DHX8: variants seen among roughly 807,000 people sequenced by gnomAD.
DHX8 encodes the protein DEAH-box helicase 8.
In DHX8, 67 loss-of-function variants were observed where a neutral mutation model predicts 140.7. The observed-to-expected ratio is 0.48, with a 90% CI of 0.39 to 0.58. DHX8 has a LOEUF of 0.58. DHX8 is among the 20% of genes least tolerant of loss of function. DHX8 has a pLI of 0.00. For synonymous variants in DHX8, 533 were observed against 553.2 expected (o/e 0.96, Z 0.51); for missense variants, 887 against 1,550.7 (o/e 0.57, Z 7.19).
At position 43,484,046 on chromosome 17, in the gene DHX8, G is replaced by T. The variant is rs1400305643; in HGVS notation, c.9G>T (p.Val3=). 6.2e-7 allele frequency: 1 copy of T among 1,613,914 alleles called. No homozygotes were observed. The highest frequency in any genetic ancestry group is 1.3e-5 in the African/African-American group (1 of 74,930). Residue 3 remains valine (V), a synonymous_variant, in exon 1 of 23, where the codon GTG becomes GTT. Coordinates refer to ENST00000262415, the MANE Select transcript of DHX8 (RefSeq NM_004941.3). ...CTGGGCAAGCTATAGCCATGGCTGT[G>T]GCTGTAGCCATGGCGGGAGCCTTAA... The part of the protein sequence containing the change: MA[V]AVAMAGALIG...
At chr17:43,494,046 T>A (rs984417530) in intron 8 of DHX8, among the ~76,000 whole-genome samples, 160 bp downstream of exon 8, 20 of 152,164 alleles carry the variant, frequency 1.3e-4, no homozygotes, top group African/African-American at 4.6e-4. Context: ...GGCAATTTAC[T>A]AAAGAAAGAG....
At chr17:43,489,571 A>T in intron 2 of DHX8, 37 bp downstream of exon 2, 1 of 1,357,870 alleles carries the variant, frequency 7.4e-7, no homozygotes, top group Non-Finnish European at 1.0e-6. Flanking sequence ...GTAGATATTA[A>T]TGTTTTAATT....
At chr17:43,517,091 T>C (rs1001639053) in intron 17 of DHX8, 76 bp from the exon 18 acceptor site, 2 of 1,459,290 alleles carry the variant, frequency 1.4e-6, no homozygotes, top group East Asian at 2.5e-5. Context: ...ATTGTCCCCC[T>C]TTTAACAGAT....
At chr17:43,530,273 T>G, downstream of DHX8, 1 of 1,531,348 alleles carries the variant, frequency 6.5e-7, no homozygotes, top group South Asian at 1.2e-5. Flanking sequence ...CAAGAATTTC[T>G]TCCTTCCAGC....
downstream of DHX8, chr17:43,528,565 G>C: frequency 6.2e-7 from 1 of 1,613,658 alleles, no homozygotes. Flanking sequence ...GGCGGGGCCA[G>C]CCAGCTCTGG....
intron 4 of DHX8, among the ~76,000 whole-genome samples, chr17:43,491,527 AT>A (rs4038474): frequency 2.9e-4 from 43 of 147,674 alleles, no homozygotes; most frequent in Admixed American, 6.1e-4. Context: ...GTGAAATTAG[AT>A]TTTTTTTTTT....
intron 12 of DHX8, among the ~76,000 whole-genome samples, chr17:43,506,017 A>ATGTG (rs928209300): frequency 1.3e-5 from 2 of 151,020 alleles, no homozygotes; most frequent in Non-Finnish European, 1.5e-5. Context: ...GTGTGTGTGT[A>ATGTG]TGTGTGTGTG....
chr17:43,516,409 G>A (rs186453010), intron 17 of DHX8, among the ~76,000 whole-genome samples: 38 of 152,134 alleles, frequency 2.5e-4, no homozygotes, highest in Admixed American at 2.4e-3. Flanking sequence ...ATTTTCTTCT[G>A]TCATTTAACA....
chr17:43,485,652 T>C (rs1968096634), intron 1 of DHX8, among the ~76,000 whole-genome samples: 1 of 152,114 alleles, frequency 6.6e-6, no homozygotes, highest in Non-Finnish European at 1.5e-5. Flanking sequence ...TTCAGGGAGC[T>C]TACCTTTCTC....
rs1192716282 is a variant in DHX8 at position 43,493,895 on chromosome 17, C to A, written c.1212+9C>A. 8 of 1,613,934 alleles carry A rather than the reference C, an allele frequency of 5.0e-6. No homozygotes were observed. The highest frequency in any genetic ancestry group is 6.8e-6 in the Non-Finnish European group (8 of 1,179,986). The stretch of plus-strand genomic sequence containing the variant: ...AGTGGGAGATCAAACAGGTTGGGGC[C>A]TTTAGTTTTCATGACCAGATAGTCA... On this transcript the variant is annotated intron_variant, in intron 8 of 22. Transcript: ENST00000262415.
At position 43,532,662 on chromosome 17, in the gene DHX8, CCA is replaced by C. The variant is rs536689944; in HGVS notation, c.351-3749_351-3748del. 981 of 1,606,730 alleles carry C rather than the reference CCA, an allele frequency of 6.1e-4. 1 individual carries two copies. Among genetic ancestry groups the C allele is most frequent in the Non-Finnish European group, 7.9e-4 (932 of 1,174,818 alleles). On this transcript the variant is annotated intron_variant, in intron 2 of 3. Coordinates refer to the DHX8 transcript ENST00000589898. ...TGATCACATGCCACCCTGCCCCACCCCAGTCTCTTACCTGAGTCGTAGGCGAA... is the reference window on the plus strand; with the variant it reads ...TGATCACATGCCACCCTGCCCCACCCGTCTCTTACCTGAGTCGTAGGCGAA...
rs142011970 is a variant in DHX8, at chr17:43,543,197, C to T, written c.*21-965C>T. ...TCCCAGCGCCCACCCCCCTCACCTCCGCCTTGCAATCCCCACCCCACCTCC... is the reference window on the plus strand; with the variant it reads ...TCCCAGCGCCCACCCCCCTCACCTCTGCCTTGCAATCCCCACCCCACCTCC... On this transcript the variant is annotated intron_variant, in intron 3 of 3. Transcript: ENST00000589898. 2.0e-3 allele frequency among the ~76,000 whole-genome samples: 301 copies of T among 151,714 alleles called. 9 individuals carry two copies. The East Asian group carries it at 0.047, about 24-fold the overall frequency.
intron 18 of DHX8, 153 bp downstream of exon 18, chr17:43,517,475 C>CATT: frequency 3.4e-6 from 3 of 871,950 alleles, no homozygotes; most frequent in Non-Finnish European, 5.1e-6. Flanking sequence ...TGATAACAGC[C>CATT]TCTCACGGCA....
chr17:43,521,500 T>C lies in DHX8; in HGVS notation c.3198T>C (p.Phe1066=), dbSNP rs376680700. Residue 1066 remains phenylalanine (F), a synonymous_variant, in exon 21 of 23, where the codon TTT becomes TTC. Coordinates refer to ENST00000262415, the MANE Select transcript of DHX8 (RefSeq NM_004941.3). ...CCAACCCATGGTGCTATGAGAACTT[T>C]ATCCAGGCTCGTTCCCTGCGCCGGG... The part of the protein sequence containing the change: ...KFSNPWCYEN[F]IQARSLRRAQ... 2.5e-6 allele frequency: 4 copies of C among 1,613,770 alleles called. No individual in the cohort carries two copies. In the African/African-American group the frequency reaches 4.0e-5, roughly 16 times the overall value.
intron 1 of DHX8, among the ~76,000 whole-genome samples, chr17:43,484,483 A>ATT (rs1968008395): frequency 3.3e-5 from 5 of 152,152 alleles, no homozygotes; most frequent in African/African-American, 1.2e-4. Context: ...ACAGCAGCAG[A>ATT]TGCTGCGATG....
At chr17:43,528,526 G>A (rs918089102), downstream of DHX8, 1 of 1,606,378 alleles carries the variant, frequency 6.2e-7, no homozygotes, top group Admixed American at 1.7e-5. Flanking sequence ...GGGCTAGTAA[G>A]AGTAGCCACC....
chr17:43,500,180 G>A, intron 11 of DHX8, 77 bp downstream of exon 11: 2 of 1,505,022 alleles, frequency 1.3e-6, no homozygotes, highest in Non-Finnish European at 1.8e-6. Flanking sequence ...GTCACTCCCG[G>A]CACACACTAA....
chr17:43,534,994 C>T (rs962406922), intron 2 of DHX8, among the ~76,000 whole-genome samples: 6 of 152,140 alleles, frequency 3.9e-5, no homozygotes, highest in African/African-American at 1.4e-4. Context: ...TGGATATTGG[C>T]CCACTTGAAT....
At chr17:43,523,482 C>A in intron 22 of DHX8, 146 bp from the exon 23 acceptor site, 1 of 1,300,982 alleles carries the variant, frequency 7.7e-7, no homozygotes, top group Non-Finnish European at 1.0e-6. Context: ...GTGTGGCTGT[C>A]ATAAACAGAC....
Sources: gnomAD v4.1 joint callset for allele counts (sites outside exome capture counted in the v4.1 genomes callset) on GRCh38, gnomAD v4.1.1 for gene constraint, MANE v1.5 for transcripts, NCBI Gene and HGNC (gene_info 2026-07-23, HGNC 2026-07-21) for gene names.